AK5: variants seen among roughly 807,000 people sequenced by gnomAD.
The protein encoded by AK5 is adenylate kinase isoenzyme 5.
Under a neutral mutation model 69.5 loss-of-function variants are expected in AK5, and 27 were observed. That is an observed-to-expected ratio of 0.39 (90% CI 0.29 to 0.54). AK5 has a LOEUF of 0.54. Among genes scored for constraint, AK5 ranks in the 20% least tolerant of loss-of-function variants. The pLI is 0.71. For missense variants in AK5, 531 were observed against 700.4 expected (o/e 0.76, Z 2.73); for synonymous variants, 260 against 244.4 (o/e 1.06, Z -0.60).
intron 6 of AK5, among the ~76,000 whole-genome samples, chr1:77,361,349 C>G (rs966044672): frequency 6.6e-6 from 1 of 152,204 alleles, no homozygotes; most frequent in African/African-American, 2.4e-5. Flanking sequence ...CTATCACTTA[C>G]TACCTATAGG....
At chr1:77,475,960 CAG>C in intron 8 of AK5, among the ~76,000 whole-genome samples, 1 of 152,108 alleles carries the variant, frequency 6.6e-6, no homozygotes, top group East Asian at 1.9e-4. Flanking sequence ...TAGAGAAAAA[CAG>C]TGAGAAAATT....
In AK5 at chr1:77,558,775, A is replaced by G; in HGVS notation, c.*105A>G. On this transcript the variant is annotated 3_prime_UTR_variant, in exon 14 of 14. Transcript: ENST00000354567. ...ACCTTTTGTGTCACCGCCCCCACCA[A>G]CCACCACCTCCTAAATCCTGACAGC... 1.3e-6 allele frequency: 1 copy of G among 762,926 alleles called. No individual in the cohort carries two copies. Among genetic ancestry groups the G allele is most frequent in the Non-Finnish European group, 2.3e-6 (1 of 438,188 alleles). 47.3% of individuals were successfully genotyped at this position (762,926 alleles called of 1,614,324 possible). A position where few individuals can be genotyped will look rare whatever the true frequency, so the allele number is the denominator to read the frequency against.
At position 77,379,978 on chromosome 1, in the gene AK5, G is replaced by C. The variant is rs146122351; in HGVS notation, c.892-31003G>C. On this transcript the variant is annotated intron_variant, in intron 6 of 13. Coordinates refer to ENST00000354567, the MANE Select transcript of AK5 (RefSeq NM_174858.3). ...TGCTTCTGTAGCATCTCAACAGCTT[G>C]CAGGGTTCCAAGGAACTCATAATTA... 9.6e-3 allele frequency among the ~76,000 whole-genome samples: 1,469 copies of C among 152,302 alleles called. 8 individuals are homozygous for C. Among genetic ancestry groups the C allele is most frequent in the Non-Finnish European group, 0.017 (1,127 of 68,024 alleles).
At position 77,368,302 on chromosome 1, in the gene AK5, A is replaced by T. The variant is rs566948525; in HGVS notation, c.891+27734A>T. On this transcript the variant is annotated intron_variant, in intron 6 of 13. Transcript: ENST00000354567. ...TATATGTTATATATATGTTATATATAATATATATGTTATATATAATATATA... is the reference window on the plus strand; with the variant it reads ...TATATGTTATATATATGTTATATATTATATATATGTTATATATAATATATA... Among the ~76,000 whole-genome samples the T allele has an allele frequency of 8.4e-3, 827 of 97,874 alleles. 7 individuals are homozygous for T. The highest frequency in any genetic ancestry group is 0.017 in the East Asian group (53 of 3,074). 64.2% of individuals were successfully genotyped at this position (97,874 alleles called of 152,430 possible).
intron 8 of AK5, among the ~76,000 whole-genome samples, chr1:77,461,001 G>A (rs1264510756): frequency 8.6e-5 from 13 of 151,588 alleles, no homozygotes; most frequent in Non-Finnish European, 1.5e-5. Flanking sequence ...TGGATTACAG[G>A]CGTGAGCCAC....
At chr1:77,447,861 C>T (rs1435355416) in intron 8 of AK5, among the ~76,000 whole-genome samples, 4 of 152,176 alleles carry the variant, frequency 2.6e-5, no homozygotes, top group African/African-American at 9.7e-5. Flanking sequence ...CCTGGAAACC[C>T]AGTCTAAAAG....
chr1:77,507,852 A>T (rs533891948), intron 10 of AK5, among the ~76,000 whole-genome samples: 1 of 152,192 alleles, frequency 6.6e-6, no homozygotes. Flanking sequence ...CACCTGGGGA[A>T]TTATCCTTTT....
intron 8 of AK5, among the ~76,000 whole-genome samples, chr1:77,482,291 C>A (rs781456304): frequency 7.9e-5 from 12 of 152,074 alleles, no homozygotes; most frequent in Non-Finnish European, 1.3e-4. Context: ...TCACCTAGTG[C>A]CTTTTTATAA....
chr1:77,358,945 AAG>A (rs1312948279), intron 6 of AK5, among the ~76,000 whole-genome samples: 1 of 151,946 alleles, frequency 6.6e-6, no homozygotes, highest in East Asian at 1.9e-4. Flanking sequence ...AAAAAAGAAG[AAG>A]AAAAGGAAAA....
intron 10 of AK5, among the ~76,000 whole-genome samples, chr1:77,493,156 A>C (rs567745023): frequency 3.7e-4 from 57 of 152,154 alleles, no homozygotes; most frequent in Non-Finnish European, 6.5e-4. Flanking sequence ...TCCAGAAGAG[A>C]TTGGCATTTG....
chr1:77,495,541 A>G (rs1297326183), intron 10 of AK5, among the ~76,000 whole-genome samples: 1 of 152,238 alleles, frequency 6.6e-6, no homozygotes, highest in Non-Finnish European at 1.5e-5. Context: ...ATTTGAACCC[A>G]TAAAAGTACC....
intron 2 of AK5, among the ~76,000 whole-genome samples, chr1:77,290,251 A>G (rs1177225407): frequency 6.6e-6 from 1 of 152,250 alleles, no homozygotes; most frequent in Non-Finnish European, 1.5e-5. Context: ...ATTCTGTTTC[A>G]TGAAATGCTT....
chr1:77,309,164 CA>C (rs1480751939), intron 5 of AK5, among the ~76,000 whole-genome samples: 1 of 151,818 alleles, frequency 6.6e-6, no homozygotes, highest in African/African-American at 2.4e-5. Flanking sequence ...GACAGGTGTG[CA>C]AAGTACTGTG....
intron 6 of AK5, among the ~76,000 whole-genome samples, chr1:77,408,529 C>T (rs146781775): frequency 6.1e-4 from 92 of 152,004 alleles, no homozygotes; most frequent in African/African-American, 2.1e-3. Context: ...GGATATTAGA[C>T]CTTTGTTGGA....
intron 6 of AK5, among the ~76,000 whole-genome samples, chr1:77,362,903 G>T (rs182384957): frequency 9.6e-4 from 146 of 152,248 alleles, no homozygotes; most frequent in Non-Finnish European, 1.9e-3. Context: ...TTAGAAATCT[G>T]TCCTGATGCA....
At chr1:77,341,898 TG>T (rs893924372) in intron 6 of AK5, among the ~76,000 whole-genome samples, 4 of 152,114 alleles carry the variant, frequency 2.6e-5, no homozygotes, top group Non-Finnish European at 5.9e-5. Context: ...GTTTTTGTTT[TG>T]TTTTGGTTTG....
chr1:77,406,414 A>ACAC (rs1649643652), intron 6 of AK5, among the ~76,000 whole-genome samples: 1 of 152,138 alleles, frequency 6.6e-6, no homozygotes, highest in African/African-American at 2.4e-5. Context: ...AGGTGGCTAG[A>ACAC]GTTGCAGGAC....
intron 6 of AK5, among the ~76,000 whole-genome samples, chr1:77,376,451 C>CAAAAAAAAAAAAAA (rs762576175): frequency 5.4e-4 from 22 of 41,048 alleles, no homozygotes; most frequent in African/African-American, 2.0e-3. Context: ...AAAAAAAAAA[C>CAAAAAAAAAAAAAA]AAAAAAAAAA....
chr1:77,430,547 C>A (rs1200434325), intron 8 of AK5, among the ~76,000 whole-genome samples: 1 of 151,956 alleles, frequency 6.6e-6, no homozygotes, highest in Non-Finnish European at 1.5e-5. Context: ...AATTTGTGAG[C>A]CTTTTTAATA....
Sources: allele counts gnomAD v4.1 joint callset (sites outside exome capture counted in the v4.1 genomes callset), GRCh38; gene constraint gnomAD v4.1.1; transcripts MANE v1.5; gene names NCBI Gene and HGNC (gene_info 2026-07-23, HGNC 2026-07-21).